Variants in VWA5A observed in about 807,000 individuals in gnomAD.
VWA5A encodes von Willebrand factor A domain-containing protein 5A.
A neutral mutation model predicts 84.6 loss-of-function variants in VWA5A; 77 were observed. The ratio of observed to expected loss-of-function variants is 0.91; its 90% CI spans 0.76 to 1.10. The LOEUF (loss-of-function observed/expected upper bound fraction) is 1.10, where lower values mean the gene tolerates loss of function less well. Among genes scored for constraint, VWA5A ranks in the 50% least tolerant of loss-of-function variants. VWA5A has a pLI of 0.00. For missense variants in VWA5A, 973 were observed against 963.0 expected (o/e 1.01, Z -0.14); for synonymous variants, 334 against 350.1 (o/e 0.95, Z 0.51).
rs1358706748 is a variant in VWA5A at position 124,124,237 on chromosome 11, C to G, written c.1165C>G (p.Leu389Val). The G allele has an allele frequency of 1.9e-6, 3 of 1,612,652 alleles. No homozygotes were observed. The highest frequency in any genetic ancestry group is 8.5e-7 in the Non-Finnish European group (1 of 1,179,082). The part of the protein sequence containing the change: ...GPSIPGHPLQ[L>V]FVFTDGEVTD... ...ATGAACATTTTCTTTCTTTGTATAG[C>G]TTTTTGTCTTTACAGATGGAGAAGT... Residue 389 changes from leucine (L) to valine (V), a missense_variant and splice_region_variant, in exon 11 of 19, where the codon CTT (leucine) becomes GTT (valine). Coordinates refer to ENST00000456829, the MANE Select transcript of VWA5A (RefSeq NM_001130142.2).
Position 124,117,490 on chromosome 11 carries a change from T to G in VWA5A, c.-15-7T>G, listed in dbSNP as rs755612529. On this transcript the variant is annotated splice_polypyrimidine_tract_variant and splice_region_variant and intron_variant, in intron 2 of 18. Coordinates refer to ENST00000456829, the MANE Select transcript of VWA5A (RefSeq NM_001130142.2). Reference sequence around the variant, plus strand: ...TGTCCTCTGTTTGTGATATGTCTTTTCTGCAGAAATCTTGCATCACCATGG... The same window carrying G: ...TGTCCTCTGTTTGTGATATGTCTTTGCTGCAGAAATCTTGCATCACCATGG... 5.0e-6 allele frequency: 8 copies of G among 1,613,994 alleles called. No homozygotes were observed. In the South Asian group the frequency reaches 6.6e-5, roughly 13 times the overall value.
At chr11:124,136,745 C>T (rs71468788) in intron 14 of VWA5A, 71 bp downstream of exon 14, 28 of 1,027,938 alleles carry the variant, frequency 2.7e-5, no homozygotes, top group Non-Finnish European at 3.5e-5. Flanking sequence ...TCCTTCCTTC[C>T]TTCATTCCCT....
At chr11:124,137,604 T>C (rs1860635586) in intron 15 of VWA5A, among the ~76,000 whole-genome samples, 1 of 152,246 alleles carries the variant, frequency 6.6e-6, no homozygotes, top group African/African-American at 2.4e-5. Flanking sequence ...AATTCACCCA[T>C]TTAAAGTGTA....
chr11:124,123,548 A>T, intron 9 of VWA5A, 94 bp downstream of exon 9: 1 of 1,606,394 alleles, frequency 6.2e-7, no homozygotes, highest in Admixed American at 1.7e-5. Flanking sequence ...TGACTTTGGC[A>T]TTGGGGGTTT....
chr11:124,145,937 G>A lies in VWA5A; in HGVS notation c.2353G>A (p.Ala785Thr), dbSNP rs1410323599. Residue 785 changes from alanine to threonine, a missense_variant, in exon 19 of 19, where the codon GCC (alanine) becomes ACC (threonine). Ala to Thr is a moderately conservative substitution (Grantham distance 58). Transcript: ENST00000456829. ...GTCATCTGTGGATCCTGCTATCTTT[G>A]CCTTTTGAAGATACCATCCAGAAAA... ...LKSSVDPAIFAF is the reference protein window; with the variant it reads ...LKSSVDPAIFTF The A allele has an allele frequency of 1.3e-6, 2 of 1,584,648 alleles. No homozygotes were observed. Among genetic ancestry groups the A allele is most frequent in the African/African-American group, 2.7e-5 (2 of 74,502 alleles).
intron 11 of VWA5A, among the ~76,000 whole-genome samples, chr11:124,128,079 T>C (rs903040990): frequency 2.0e-5 from 3 of 152,222 alleles, no homozygotes; most frequent in Non-Finnish European, 4.4e-5. Flanking sequence ...AGTCATGAAG[T>C]ATTTGCCCAT....
At chr11:124,137,863 C>G (rs150373840) in intron 15 of VWA5A, among the ~76,000 whole-genome samples, 2 of 152,138 alleles carry the variant, frequency 1.3e-5, no homozygotes, top group African/African-American at 4.8e-5. Flanking sequence ...GACTTATTTT[C>G]CTTCTTTGTT....
In VWA5A at chr11:124,117,535, C is replaced by T. The variant is rs1864851147; in HGVS notation, c.24C>T (p.Leu8=). Residue 8 remains leucine (L), a synonymous_variant, in exon 3 of 19, where the codon CTC becomes CTT. Coordinates refer to ENST00000456829, the MANE Select transcript of VWA5A (RefSeq NM_001130142.2). Reference sequence around the variant, plus strand: ...CCATGGTGCACTTCTGTGGCCTACTCACCCTCCACCGGGAGCCAGGTAAGC... The same window carrying T: ...CCATGGTGCACTTCTGTGGCCTACTTACCCTCCACCGGGAGCCAGGTAAGC... MVHFCGL[L]TLHREPVPLK... The T allele has an allele frequency of 1.9e-6, 3 of 1,614,226 alleles. No homozygotes were observed. Among genetic ancestry groups the T allele is most frequent in the Non-Finnish European group, 2.5e-6 (3 of 1,180,026 alleles).
rs1041628488 is a variant in VWA5A at position 124,118,859 on chromosome 11, C to T, written c.646-116C>T. 30 of 1,340,800 alleles carry T rather than the reference C, an allele frequency of 2.2e-5. No homozygotes were observed. In the African/African-American group the frequency reaches 4.2e-4, roughly 19 times the overall value. 83.1% of individuals were successfully genotyped at this position (1,340,800 alleles called of 1,614,324 possible). On this transcript the variant is annotated intron_variant, in intron 6 of 18. Transcript: ENST00000456829. ...TTAATCTCCAGAGCCTTCTCTCCAG[C>T]CTCACCTCTGTTCCTAGTCATGCTG...
rs1939861 is a variant in VWA5A, at chr11:124,146,384, C to T, written c.*439C>T. 103,795 of 155,332 alleles carry T rather than the reference C, an allele frequency of 0.67. 35,268 individuals are homozygous for T. The highest frequency in any genetic ancestry group is 0.81 in the African/African-American group (33,531 of 41,528). The allele number at this position is 155,332 out of a possible 1,614,324, so 9.6% of individuals were successfully genotyped here. A position where few individuals can be genotyped will look rare whatever the true frequency, so the allele number is the denominator to read the frequency against. ...TATCAGGGCCATACTGGTAAGCTTG[C>T]GTAGGAGGAGTTAGAGGGAAGTTGA... On this transcript the variant is annotated 3_prime_UTR_variant, in exon 19 of 19. Coordinates refer to ENST00000456829, the MANE Select transcript of VWA5A (RefSeq NM_001130142.2).
chr11:124,117,782 T>C lies in VWA5A; in HGVS notation c.153T>C (p.Phe51=), dbSNP rs977373980. Residue 51 remains phenylalanine, a synonymous_variant, in exon 4 of 19, where the codon TTT becomes TTC. Coordinates refer to ENST00000456829, the MANE Select transcript of VWA5A (RefSeq NM_001130142.2). ...NEEKVPLEAF[F]VFPMDEDSAV... ...AGAAAGTTCCTTTGGAGGCCTTCTT[T>C]GTGTTCCCCATGGATGAAGACTCTG... 14 of 1,614,100 alleles carry C rather than the reference T, an allele frequency of 8.7e-6. No individual in the cohort carries two copies. The highest frequency in any genetic ancestry group is 1.1e-5 in the Non-Finnish European group (13 of 1,180,040).
At chr11:124,129,898 A>C (rs1402311447) in intron 11 of VWA5A, among the ~76,000 whole-genome samples, 1 of 151,406 alleles carries the variant, frequency 6.6e-6, no homozygotes, top group Non-Finnish European at 1.5e-5. Flanking sequence ...TCTGGATAGC[A>C]GTCTATTTTG....
At chr11:124,136,774 C>G (rs1028902772) in intron 14 of VWA5A, 100 bp downstream of exon 14, 18 of 894,972 alleles carry the variant, frequency 2.0e-5, no homozygotes, top group Non-Finnish European at 2.9e-5. Flanking sequence ...CCCTCCCTCC[C>G]TCCCTCCTTC....
At position 124,146,125 on chromosome 11, in the gene VWA5A, T is replaced by G; in HGVS notation, c.*180T>G. Reference sequence around the variant, plus strand: ...GTTCACTTTGGATATGATCTTTCTTTTCCCAACATATGCCCTCAGAAAAGT... The same window carrying G: ...GTTCACTTTGGATATGATCTTTCTTGTCCCAACATATGCCCTCAGAAAAGT... On this transcript the variant is annotated 3_prime_UTR_variant, in exon 19 of 19. Transcript: ENST00000456829. The G allele has an allele frequency of 1.7e-6, 1 of 582,968 alleles. No homozygotes were observed. 36.1% of individuals were successfully genotyped at this position (582,968 alleles called of 1,614,324 possible).
Position 124,141,653 on chromosome 11 carries a change from G to C in VWA5A, c.1935G>C (p.Gly645=). 1 of 1,614,108 alleles carries C rather than the reference G, an allele frequency of 6.2e-7. No homozygotes were observed. ...DRPPSASQPR[G]ELMCYKAKTF... Reference sequence around the variant, plus strand: ...CTCCTTCTGCATCTCAGCCCAGAGGGGAACTTATGTGTTATAAGGCCAAGA... The same window carrying C: ...CTCCTTCTGCATCTCAGCCCAGAGGCGAACTTATGTGTTATAAGGCCAAGA... The change falls in exon 16 of 19, where the codon GGG becomes GGC. Residue 645 remains glycine, a synonymous_variant. Coordinates refer to ENST00000456829, the MANE Select transcript of VWA5A (RefSeq NM_001130142.2).
Position 124,136,214 on chromosome 11 carries a change from A to C in VWA5A, c.1445A>C (p.Lys482Thr). 6.2e-7 allele frequency: 1 copy of C among 1,614,198 alleles called. No homozygotes were observed. ...CATTTGCCTCCTGGTCTGTCTGCTAAAATGCTTTCCCCAGAACAGACTGTC... is the reference window on the plus strand; with the variant it reads ...CATTTGCCTCCTGGTCTGTCTGCTACAATGCTTTCCCCAGAACAGACTGTC... ...SWHLPPGLSA[K>T]MLSPEQTVIF... is the part of the protein sequence containing the mutation. Residue 482 changes from lysine to threonine, a missense_variant, in exon 13 of 19, where the codon AAA (lysine) becomes ACA (threonine). Physicochemically the swap from Lys to Thr is moderately conservative, Grantham distance 78. Transcript: ENST00000456829.
chr11:124,124,201 A>G (rs1192745025), intron 10 of VWA5A, 36 bp from the exon 11 acceptor site: 5 of 1,601,482 alleles, frequency 3.1e-6, no homozygotes, highest in South Asian at 2.2e-5. Context: ...AAAGAACTTG[A>G]CAAAGACCTG....
At position 124,146,085 on chromosome 11, in the gene VWA5A, G is replaced by A. The variant is rs576032094; in HGVS notation, c.*140G>A. On this transcript the variant is annotated 3_prime_UTR_variant, in exon 19 of 19. Transcript: ENST00000456829. ...AAGTAAAGGATGCTTACTCCACTTC[G>A]CTTCTCTGCTCCAGGTTCACTTTGG... 1.8e-5 allele frequency: 14 copies of A among 797,926 alleles called. No individual in the cohort carries two copies. Among genetic ancestry groups the A allele is most frequent in the Non-Finnish European group, 2.5e-5 (13 of 522,068 alleles). The allele number at this position is 797,926 out of a possible 1,614,324, so 49.4% of individuals were successfully genotyped here. A position where few individuals can be genotyped will look rare whatever the true frequency, so the allele number is the denominator to read the frequency against.
chr11:124,145,660 G>A (rs916371382), intron 18 of VWA5A, among the ~76,000 whole-genome samples: 6 of 152,168 alleles, frequency 3.9e-5, no homozygotes, highest in Admixed American at 2.6e-4. Flanking sequence ...GACTTGGTGC[G>A]TGTTCTCCTG....
Sources: allele counts gnomAD v4.1 joint callset (sites outside exome capture counted in the v4.1 genomes callset), GRCh38; gene constraint gnomAD v4.1.1; transcripts MANE v1.5; gene names NCBI Gene and HGNC (gene_info 2026-07-23, HGNC 2026-07-21).